The following CORIN variants were observed in gnomAD, a reference collection of about 807,000 sequenced individuals.
The protein encoded by CORIN is corin, serine peptidase, also known as atrial natriuretic peptide-converting enzyme.
A neutral mutation model predicts 125.3 loss-of-function variants in CORIN; 117 were observed. The ratio of observed to expected loss-of-function variants is 0.93; its 90% CI spans 0.80 to 1.09. CORIN has a LOEUF of 1.09. CORIN is among the 50% of genes least tolerant of loss of function. The pLI is 0.00. For synonymous variants in CORIN, 450 were observed against 466.4 expected (o/e 0.96, Z 0.45); for missense variants, 1,253 against 1,306.7 (o/e 0.96, Z 0.63).
At chr4:47,804,525 A>C (rs531767246) in intron 2 of CORIN, among the ~76,000 whole-genome samples, 2 of 152,306 alleles carry the variant, frequency 1.3e-5, no homozygotes, top group African/African-American at 4.8e-5. Context: ...CTATGCAGCC[A>C]TAAAAAGGAT....
intron 5 of CORIN, among the ~76,000 whole-genome samples, chr4:47,736,013 G>A (rs983119703): frequency 1.3e-5 from 2 of 148,588 alleles, no homozygotes; most frequent in Non-Finnish European, 3.0e-5. Context: ...GATATGTTTT[G>A]AGCAACAGTG....
intron 16 of CORIN, among the ~76,000 whole-genome samples, chr4:47,629,811 G>T (rs1020277068): frequency 6.6e-6 from 1 of 152,060 alleles, no homozygotes; most frequent in African/African-American, 2.4e-5. Context: ...AGACTAACTT[G>T]TTTTATTTAA....
intron 3 of CORIN, among the ~76,000 whole-genome samples, chr4:47,774,315 C>G (rs1233402218): frequency 2.0e-5 from 3 of 152,030 alleles, no homozygotes; most frequent in Non-Finnish European, 4.4e-5. Flanking sequence ...AGCCCCACCC[C>G]CTTCTCAGCT....
chr4:47,596,843 C>T (rs1374143815), intron 21 of CORIN, among the ~76,000 whole-genome samples: 2 of 152,134 alleles, frequency 1.3e-5, no homozygotes, highest in East Asian at 1.9e-4. Flanking sequence ...TAAACATTTT[C>T]CACATATTAG....
intron 6 of CORIN, 92 bp downstream of exon 6, chr4:47,692,878 C>A: frequency 2.1e-6 from 2 of 958,424 alleles, no homozygotes; most frequent in South Asian, 1.4e-5. Context: ...TTTAGAAAGG[C>A]AAACAAAAAG....
chr4:47,642,222 T>TA (rs373734354), intron 15 of CORIN, among the ~76,000 whole-genome samples, 173 bp from the exon 16 acceptor site: 273 of 149,140 alleles, frequency 1.8e-3, no homozygotes, highest in South Asian at 0.01. Context: ...GCTAGAGGGC[T>TA]AAAAAAAAAA....
chr4:47,703,760 C>A (rs900010589), intron 5 of CORIN, among the ~76,000 whole-genome samples: 1 of 152,172 alleles, frequency 6.6e-6, no homozygotes, highest in Non-Finnish European at 1.5e-5. Context: ...TATTGAAAAA[C>A]GCCTTTTGCT....
intron 7 of CORIN, chr4:47,681,412 T>C (rs13118104): frequency 0.46 from 69,594 of 152,152 alleles, 17,909 homozygotes; most frequent in Non-Finnish European, 0.59. Context: ...ACAAACTTCA[T>C]GATAGCCTGC....
chr4:47,787,320 G>A (rs962256035), intron 2 of CORIN, among the ~76,000 whole-genome samples: 2 of 151,970 alleles, frequency 1.3e-5, no homozygotes, highest in Non-Finnish European at 1.5e-5. Flanking sequence ...TAATCTCACC[G>A]GTCATTGTTT....
chr4:47,709,293 T>G (rs1726728281), intron 5 of CORIN, among the ~76,000 whole-genome samples: 1 of 151,866 alleles, frequency 6.6e-6, no homozygotes, highest in Non-Finnish European at 1.5e-5. Flanking sequence ...ATTTATTTAT[T>G]TATTTATTTA....
chr4:47,649,511 C>T (rs1355238138), intron 13 of CORIN, among the ~76,000 whole-genome samples: 1 of 152,204 alleles, frequency 6.6e-6, no homozygotes, highest in African/African-American at 2.4e-5. Flanking sequence ...CAGGTGAGTT[C>T]CCAGTTATTA....
intron 4 of CORIN, among the ~76,000 whole-genome samples, chr4:47,747,650 G>A (rs1280575165): frequency 6.6e-6 from 1 of 152,080 alleles, no homozygotes; most frequent in Non-Finnish European, 1.5e-5. Context: ...ATTCAGAAAT[G>A]GAATCATTGT....
At chr4:47,765,312 C>G (rs1313946624) in intron 3 of CORIN, among the ~76,000 whole-genome samples, 1 of 144,022 alleles carries the variant, frequency 6.9e-6, no homozygotes, top group African/African-American at 2.5e-5. Flanking sequence ...CTCCGTCCCC[C>G]AAAAAAAAAA....
intron 5 of CORIN, among the ~76,000 whole-genome samples, chr4:47,739,871 T>C (rs1654107900): frequency 6.6e-6 from 1 of 151,848 alleles, no homozygotes; most frequent in African/African-American, 2.4e-5. Flanking sequence ...TCATCTGAAC[T>C]AGACTGTTAT....
chr4:47,741,723 T>G (rs771456277), intron 5 of CORIN, among the ~76,000 whole-genome samples: 2 of 151,972 alleles, frequency 1.3e-5, no homozygotes, highest in Non-Finnish European at 2.9e-5. Flanking sequence ...CAATTGACAA[T>G]AAAAATGAAT....
At chr4:47,836,562 A>C (rs1358693233) in intron 1 of CORIN, among the ~76,000 whole-genome samples, 1 of 152,340 alleles carries the variant, frequency 6.6e-6, no homozygotes, top group Non-Finnish European at 1.5e-5. Context: ...TGCCTATGTC[A>C]GTCATCGAAG....
Position 47,798,412 on chromosome 4 carries a change from C to T in CORIN, c.208+8491G>A, listed in dbSNP as rs527508578. 9.0e-4 allele frequency among the ~76,000 whole-genome samples: 137 copies of T among 152,278 alleles called. 2 individuals carry two copies. The highest frequency in any genetic ancestry group is 3.4e-3 in the Middle Eastern group (1 of 294). Reference sequence around the variant, plus strand: ...CCTGTTATTTATACACCACTGATATCTCAGCATCCCTTAGCAACCCTAATG... The same window carrying T: ...CCTGTTATTTATACACCACTGATATTTCAGCATCCCTTAGCAACCCTAATG... On this transcript the variant is annotated intron_variant, in intron 2 of 21. Coordinates refer to ENST00000273857, the MANE Select transcript of CORIN (RefSeq NM_006587.4).
intron 3 of CORIN, among the ~76,000 whole-genome samples, chr4:47,765,804 C>T (rs543199925): frequency 1.3e-5 from 2 of 152,280 alleles, no homozygotes. Flanking sequence ...GGACCATTTG[C>T]ATTTTGTCTT....
At chr4:47,669,252 G>A (rs1179018744) in intron 10 of CORIN, among the ~76,000 whole-genome samples, 2 of 152,014 alleles carry the variant, frequency 1.3e-5, no homozygotes, top group Non-Finnish European at 2.9e-5. Flanking sequence ...TAACTCAATG[G>A]TGTTATATCG....
Sources: gnomAD v4.1 joint callset for allele counts (sites outside exome capture counted in the v4.1 genomes callset) on GRCh38, gnomAD v4.1.1 for gene constraint, MANE v1.5 for transcripts, NCBI Gene and HGNC (gene_info 2026-07-23, HGNC 2026-07-21) for gene names.